Variants in DCC observed in about 807,000 individuals in gnomAD.
The protein encoded by DCC is DCC netrin 1 receptor, also known as netrin receptor DCC.
In DCC, 58 loss-of-function variants were observed where a neutral mutation model predicts 172.5. The ratio of observed to expected loss-of-function variants is 0.34; its 90% CI spans 0.27 to 0.42. The LOEUF is 0.42. DCC is among the 10% of genes least tolerant of loss of function. The pLI, the probability that DCC is intolerant of heterozygous loss-of-function variation, is 1.00. For synonymous variants in DCC, 709 were observed against 644.5 expected, an observed-to-expected ratio of 1.10 and a Z score of -1.52; for missense variants, 1,740 against 1,791.0, an observed-to-expected ratio of 0.97 and a Z score of 0.51.
intron 1 of DCC, among the ~76,000 whole-genome samples, chr18:52,617,286 T>C (rs2034401410): frequency 6.6e-6 from 1 of 152,114 alleles, no homozygotes; most frequent in Non-Finnish European, 1.5e-5. Flanking sequence ...GGCAAAGAGA[T>C]AGAGAATAGT....
chr18:52,722,276 T>C (rs995348347), intron 1 of DCC, among the ~76,000 whole-genome samples: 3 of 152,174 alleles, frequency 2.0e-5, no homozygotes, highest in African/African-American at 2.4e-5. Flanking sequence ...ATGCTTATAT[T>C]GTTCCTTTTT....
intron 2 of DCC, among the ~76,000 whole-genome samples, chr18:52,805,923 A>G (rs1049273184): frequency 6.6e-6 from 1 of 152,214 alleles, no homozygotes; most frequent in Non-Finnish European, 1.5e-5. Context: ...ACTTAAATTC[A>G]CTGTACCAAG....
intron 2 of DCC, among the ~76,000 whole-genome samples, chr18:52,781,035 TTAAA>T (rs2037531063): frequency 6.6e-6 from 1 of 152,186 alleles, no homozygotes; most frequent in Non-Finnish European, 1.5e-5. Flanking sequence ...AAAGTTTTTA[TTAAA>T]TAAAGACTTA....
intron 27 of DCC, among the ~76,000 whole-genome samples, chr18:53,507,972 C>A (rs1409577256): frequency 6.7e-6 from 1 of 148,738 alleles, no homozygotes; most frequent in Admixed American, 6.7e-5. Context: ...CTGCTCACTG[C>A]AAGCTCTGCC....
At chr18:52,673,747 C>G (rs2144975221) in intron 1 of DCC, among the ~76,000 whole-genome samples, 1 of 152,302 alleles carries the variant, frequency 6.6e-6, no homozygotes, top group East Asian at 1.9e-4. Context: ...CGCTAATGTT[C>G]TTTCACTGAA....
chr18:52,903,852 C>A (rs1249471529), intron 2 of DCC, among the ~76,000 whole-genome samples: 1 of 152,150 alleles, frequency 6.6e-6, no homozygotes, highest in Non-Finnish European at 1.5e-5. Flanking sequence ...TAAATCCATA[C>A]CTGAGCCAAT....
chr18:52,926,832 C>T lies in DCC; in HGVS notation c.985+1462C>T, dbSNP rs887059666. Among the ~76,000 whole-genome samples, 276 of 107,438 alleles carry T rather than the reference C, an allele frequency of 2.6e-3. 4 individuals are homozygous for T. The highest frequency in any genetic ancestry group is 8.7e-3 in the African/African-American group (260 of 29,968). The allele number at this position is 107,438 out of a possible 152,430, so 70.5% of individuals were successfully genotyped here. ...ATATGTGTGTGTATATATACATATA[C>T]ATACACACACACACATATACGTGTG... On this transcript the variant is annotated intron_variant, in intron 5 of 28. Transcript: ENST00000442544.
chr18:53,243,987 A>T (rs761861060), intron 12 of DCC, among the ~76,000 whole-genome samples: 2 of 152,198 alleles, frequency 1.3e-5, no homozygotes, highest in Admixed American at 6.5e-5. Flanking sequence ...AAAGCAGCAG[A>T]TAGGTTCCCA....
intron 12 of DCC, among the ~76,000 whole-genome samples, chr18:53,259,037 C>T: frequency 6.6e-6 from 1 of 151,940 alleles, no homozygotes; most frequent in African/African-American, 2.4e-5. Context: ...GCAACCCCTG[C>T]CTTTTTTTTG....
intron 5 of DCC, among the ~76,000 whole-genome samples, chr18:52,977,914 G>GA (rs58513234): frequency 0.21 from 30,344 of 145,594 alleles, 3,405 homozygotes; most frequent in South Asian, 0.41. Context: ...AAAAGAAAAA[G>GA]AAAAAAAAAG....
At chr18:53,496,933 A>C (rs896258205) in intron 26 of DCC, among the ~76,000 whole-genome samples, 1 of 152,226 alleles carries the variant, frequency 6.6e-6, no homozygotes, top group Non-Finnish European at 1.5e-5. Flanking sequence ...AATTGAAAGA[A>C]GGGAGTAAAA....
intron 1 of DCC, among the ~76,000 whole-genome samples, chr18:52,622,055 G>A (rs886693781): frequency 1.3e-5 from 2 of 152,160 alleles, no homozygotes; most frequent in African/African-American, 4.8e-5. Flanking sequence ...GCGATTAAAA[G>A]AGGATCATCG....
intron 1 of DCC, among the ~76,000 whole-genome samples, chr18:52,695,320 T>C (rs948374746): frequency 1.3e-5 from 2 of 152,220 alleles, no homozygotes; most frequent in Non-Finnish European, 2.9e-5. Flanking sequence ...ATCTGTTATG[T>C]AATCCTTTAT....
intron 21 of DCC, among the ~76,000 whole-genome samples, chr18:53,420,058 G>A (rs1910550949): frequency 6.6e-6 from 1 of 151,988 alleles, no homozygotes; most frequent in Admixed American, 6.6e-5. Context: ...ATTTCACCAT[G>A]TTGGCCAGGA....
chr18:52,391,847 G>A (rs768349396), intron 1 of DCC, among the ~76,000 whole-genome samples: 15 of 152,244 alleles, frequency 9.9e-5, no homozygotes, highest in East Asian at 1.9e-4. Context: ...ATATGGGCAC[G>A]CTGCTTTTCT....
At chr18:52,472,611 A>G (rs1038548649) in intron 1 of DCC, among the ~76,000 whole-genome samples, 2 of 152,210 alleles carry the variant, frequency 1.3e-5, no homozygotes, top group African/African-American at 4.8e-5. Context: ...TGTATTTCCA[A>G]GGCCCTTAAG....
chr18:52,758,513 A>G (rs577665638), intron 2 of DCC, among the ~76,000 whole-genome samples: 1 of 152,276 alleles, frequency 6.6e-6, no homozygotes, highest in East Asian at 1.9e-4. Context: ...AAAATAATTA[A>G]TTACTTGAGG....
At chr18:53,006,024 C>G (rs1391120520) in intron 5 of DCC, among the ~76,000 whole-genome samples, 2 of 152,128 alleles carry the variant, frequency 1.3e-5, no homozygotes, top group African/African-American at 4.8e-5. Context: ...ATGACAAAAT[C>G]AGGCAAGAGA....
chr18:52,976,989 C>A (rs1046245759), intron 5 of DCC, among the ~76,000 whole-genome samples: 13 of 152,176 alleles, frequency 8.5e-5, no homozygotes, highest in African/African-American at 2.9e-4. Flanking sequence ...TAAACACTTA[C>A]TCTGTGTCAA....
Sources: gnomAD v4.1 joint callset for allele counts (sites outside exome capture counted in the v4.1 genomes callset) on GRCh38, gnomAD v4.1.1 for gene constraint, MANE v1.5 for transcripts, NCBI Gene and HGNC (gene_info 2026-07-23, HGNC 2026-07-21) for gene names.